The following GRID2 variants were observed in gnomAD, a reference collection of about 807,000 sequenced individuals.
The protein encoded by GRID2 is glutamate receptor ionotropic, delta-2.
In GRID2, 33 loss-of-function variants were observed where a neutral mutation model predicts 114.8. The ratio of observed to expected loss-of-function variants is 0.29; its 90% confidence interval spans 0.22 to 0.38. The LOEUF (loss-of-function observed/expected upper bound fraction) is 0.38. GRID2 is among the 10% of genes least tolerant of loss of function. The pLI is 1.00. For synonymous variants in GRID2, 505 were observed against 449.9 expected (o/e 1.12, Z -1.55); for missense variants, 1,184 against 1,257.7 (o/e 0.94, Z 0.89).
rs1017255973 is a variant in GRID2, at chr4:93,049,298, G to A, written c.245-35697G>A. On this transcript the variant is annotated intron_variant, in intron 2 of 15. Coordinates refer to ENST00000282020, the MANE Select transcript of GRID2 (RefSeq NM_001510.4). ...ATTTATTTATGTAACAAATAAAAATGCAAGACCCTCATAAACATAATTAAA... is the reference window on the plus strand; with the variant it reads ...ATTTATTTATGTAACAAATAAAAATACAAGACCCTCATAAACATAATTAAA... Among the ~76,000 whole-genome samples the A allele has an allele frequency of 2.0e-5, 3 of 151,940 alleles. No homozygotes were observed. The East Asian group carries it at 5.8e-4, about 29-fold the overall frequency.
At chr4:93,053,146 A>G (rs1165715576) in intron 2 of GRID2, among the ~76,000 whole-genome samples, 1 of 151,882 alleles carries the variant, frequency 6.6e-6, no homozygotes, top group Non-Finnish European at 1.5e-5. Flanking sequence ...ACAGTAGTCA[A>G]TATCAATGGT....
intron 10 of GRID2, among the ~76,000 whole-genome samples, chr4:93,448,476 C>G (rs2149401212): frequency 6.6e-6 from 1 of 151,896 alleles, no homozygotes; most frequent in East Asian, 2.0e-4. Context: ...CATAATATGC[C>G]ATTTTCTCAA....
chr4:93,467,198 A>G (rs182506953), intron 11 of GRID2, among the ~76,000 whole-genome samples: 5 of 152,356 alleles, frequency 3.3e-5, no homozygotes, highest in Admixed American at 3.3e-4. Flanking sequence ...CCAGATTGCA[A>G]AAGTTGGTTC....
intron 2 of GRID2, among the ~76,000 whole-genome samples, chr4:92,717,259 T>C (rs1005186117): frequency 1.3e-5 from 2 of 152,222 alleles, no homozygotes; most frequent in Non-Finnish European, 2.9e-5. Context: ...CCAAGGTATA[T>C]GTAAAGCTAG....
intron 1 of GRID2, among the ~76,000 whole-genome samples, chr4:92,395,245 G>T (rs1730436254): frequency 6.6e-6 from 1 of 151,476 alleles, no homozygotes; most frequent in South Asian, 2.1e-4. Context: ...TGATTTTGGA[G>T]AATTCATAAT....
chr4:92,511,651 T>C (rs960908297), intron 1 of GRID2, among the ~76,000 whole-genome samples: 4 of 152,014 alleles, frequency 2.6e-5, no homozygotes, highest in Non-Finnish European at 5.9e-5. Context: ...AATTAAAATA[T>C]TGTTAAAATA....
intron 1 of GRID2, among the ~76,000 whole-genome samples, chr4:92,400,773 C>T (rs538510210): frequency 6.6e-6 from 1 of 151,870 alleles, no homozygotes; most frequent in East Asian, 1.9e-4. Context: ...ACACTTATTG[C>T]ATGCCTTGAA....
chr4:93,109,119 A>T (rs775300760), intron 3 of GRID2, among the ~76,000 whole-genome samples: 5 of 152,184 alleles, frequency 3.3e-5, no homozygotes, highest in Non-Finnish European at 7.3e-5. Flanking sequence ...TGCTTAATTC[A>T]TGGTTCAGAG....
intron 2 of GRID2, among the ~76,000 whole-genome samples, chr4:93,077,645 T>TAA (rs1306110799): frequency 1.3e-5 from 2 of 152,198 alleles, no homozygotes. Context: ...TATGATTATG[T>TAA]AGGTGAAGAT....
intron 11 of GRID2, among the ~76,000 whole-genome samples, chr4:93,487,632 A>G (rs983486866): frequency 3.3e-5 from 5 of 151,826 alleles, no homozygotes; most frequent in Admixed American, 2.0e-4. Context: ...CTAACCATTG[A>G]ATACTTTTAA....
chr4:93,418,309 T>C (rs1767924077), intron 9 of GRID2, among the ~76,000 whole-genome samples: 1 of 151,978 alleles, frequency 6.6e-6, no homozygotes, highest in African/African-American at 2.4e-5. Context: ...TCACCCTGGA[T>C]ATTAATTCTG....
intron 7 of GRID2, among the ~76,000 whole-genome samples, chr4:93,235,251 T>G (rs7676325): frequency 0.18 from 28,051 of 152,060 alleles, 3,517 homozygotes; most frequent in African/African-American, 0.35. Context: ...TTATTTCATA[T>G]TTTTTAAAAA....
At chr4:93,531,130 T>C (rs1731399440) in intron 13 of GRID2, among the ~76,000 whole-genome samples, 2 of 152,114 alleles carry the variant, frequency 1.3e-5, no homozygotes, top group Non-Finnish European at 2.9e-5. Context: ...TATGTATTTG[T>C]TTTGCATTTT....
intron 4 of GRID2, among the ~76,000 whole-genome samples, chr4:93,163,060 T>C (rs1351861879): frequency 1.3e-5 from 2 of 151,882 alleles, no homozygotes; most frequent in Non-Finnish European, 2.9e-5. Context: ...TCCTCTTTTT[T>C]AAAAAATCAA....
chr4:92,745,356 A>G (rs1560568166), intron 2 of GRID2, among the ~76,000 whole-genome samples: 1 of 152,232 alleles, frequency 6.6e-6, no homozygotes, highest in Non-Finnish European at 1.5e-5. Context: ...ATCATAAATT[A>G]TAAAGCTATT....
chr4:92,440,451 T>C (rs1173268512), intron 1 of GRID2, among the ~76,000 whole-genome samples: 33 of 150,448 alleles, frequency 2.2e-4, no homozygotes, highest in South Asian at 4.3e-4. Flanking sequence ...ATTTCAGTTA[T>C]CTGACTCAGG....
At chr4:93,287,992 C>G (rs1875707) in intron 8 of GRID2, among the ~76,000 whole-genome samples, 1 of 152,182 alleles carries the variant, frequency 6.6e-6, no homozygotes, top group Non-Finnish European at 1.5e-5. Context: ...ATAATTAAAC[C>G]TAAATGACTT....
At chr4:93,173,511 A>G (rs928587560) in intron 4 of GRID2, among the ~76,000 whole-genome samples, 1 of 152,228 alleles carries the variant, frequency 6.6e-6, no homozygotes, top group Non-Finnish European at 1.5e-5. Context: ...AAAGATTTTT[A>G]AATTTGATAA....
At chr4:92,395,280 T>C (rs1017516734) in intron 1 of GRID2, among the ~76,000 whole-genome samples, 1 of 151,722 alleles carries the variant, frequency 6.6e-6, no homozygotes, top group Admixed American at 6.6e-5. Flanking sequence ...GTATGATTTA[T>C]GTACCCTTTG....
Sources: allele counts gnomAD v4.1 joint callset (sites outside exome capture counted in the v4.1 genomes callset), GRCh38; gene constraint gnomAD v4.1.1; transcripts MANE v1.5; gene names NCBI Gene and HGNC (gene_info 2026-07-23, HGNC 2026-07-21).